Variants in HHIP observed in about 807,000 individuals in gnomAD.
The protein encoded by HHIP is hedgehog-interacting protein.
Under a neutral mutation model 74.0 loss-of-function variants are expected in HHIP, and 12 were observed. That is an observed-to-expected ratio of 0.16 (90% CI 0.10 to 0.26). HHIP has a LOEUF of 0.26. HHIP is among the 10% of genes least tolerant of loss of function. The pLI is 1.00. For synonymous variants in HHIP, 309 were observed against 311.6 expected, an observed-to-expected ratio of 0.99 and a Z score of 0.09; for missense variants, 788 against 845.0, an observed-to-expected ratio of 0.93 and a Z score of 0.84.
intron 3 of HHIP, 59 bp from the exon 4 acceptor site, chr4:144,659,578 T>G: frequency 9.0e-7 from 1 of 1,110,708 alleles, no homozygotes; most frequent in Non-Finnish European, 1.2e-6. Context: ...GGATGCCAAG[T>G]GCATCCCTTA....
At position 144,689,243 on chromosome 4, in the gene HHIP, T is replaced by C. The variant is rs548702752; in HGVS notation, c.832-17288T>C. 2.0e-5 allele frequency among the ~76,000 whole-genome samples: 3 copies of C among 152,308 alleles called. No homozygotes were observed. In the East Asian group the frequency reaches 5.8e-4, roughly 29 times the overall value. ...TAACTCTAATCCAAAGTTTGAGCAA[T>C]GGAAAGGCACATAGATGATGTCGTA... On this transcript the variant is annotated intron_variant, in intron 4 of 12. Coordinates refer to ENST00000296575, the MANE Select transcript of HHIP (RefSeq NM_022475.3).
At position 144,706,671 on chromosome 4, in the gene HHIP, C is replaced by T; in HGVS notation, c.972C>T (p.Tyr324=). 6.2e-7 allele frequency: 1 copy of T among 1,610,492 alleles called. No individual in the cohort carries two copies. Among genetic ancestry groups the T allele is most frequent in the African/African-American group, 1.3e-5 (1 of 74,862 alleles). The stretch of plus-strand genomic sequence containing the variant: ...ACCACATTCTTAGGGTTGTGGAATA[C>T]ACAGTATCCAGGTATCACTAAAAGG... The part of the protein sequence containing the change: ...PHDHILRVVE[Y]TVSRKNPHQV... The change falls in exon 5 of 13, where the codon TAC becomes TAT. Residue 324 remains tyrosine, a synonymous_variant. Coordinates refer to ENST00000296575, the MANE Select transcript of HHIP (RefSeq NM_022475.3).
chr4:144,707,278 G>C lies in HHIP; in HGVS notation c.1157+18G>C. On this transcript the variant is annotated intron_variant, in intron 6 of 12. Coordinates refer to ENST00000296575, the MANE Select transcript of HHIP (RefSeq NM_022475.3). ...GGGTTAAGGTAAAAGGCTGATCACA[G>C]ATGGGTTCCTCTCAAGGTTAAAATA... The C allele has an allele frequency of 6.4e-7, 1 of 1,570,502 alleles. No homozygotes were observed. The highest frequency in any genetic ancestry group is 1.9e-5 in the Admixed American group (1 of 52,742).
intron 4 of HHIP, among the ~76,000 whole-genome samples, chr4:144,678,520 T>C (rs1729233076): frequency 1.3e-5 from 2 of 152,176 alleles, no homozygotes; most frequent in African/African-American, 4.8e-5. Flanking sequence ...TAGGTGTTTC[T>C]CCTAATGCTA....
intron 1 of HHIP, among the ~76,000 whole-genome samples, chr4:144,647,747 C>A (rs977645702): frequency 2.6e-5 from 4 of 152,114 alleles, no homozygotes; most frequent in Non-Finnish European, 4.4e-5. Flanking sequence ...TTTGAGTTTG[C>A]AATATCGTTC....
intron 4 of HHIP, among the ~76,000 whole-genome samples, chr4:144,682,921 T>A (rs1729386246): frequency 6.6e-6 from 1 of 152,230 alleles, no homozygotes; most frequent in South Asian, 2.1e-4. Context: ...CCAGTTCTTG[T>A]CTCAAATGCA....
At position 144,742,298 on chromosome 4, in the gene HHIP, G is replaced by A. The variant is rs933200691; in HGVS notation, c.*4341G>A. On this transcript the variant is annotated 3_prime_UTR_variant, in exon 13 of 13. Coordinates refer to ENST00000296575, the MANE Select transcript of HHIP (RefSeq NM_022475.3). ...CTCAAATTCTATATAACAAATAATA[G>A]TGGATAGTAAACAAATGACATACTA... 6.6e-6 allele frequency: 1 copy of A among 152,060 alleles called. No individual in the cohort carries two copies. The allele number at this position is 152,060 out of a possible 1,614,324, so 9.4% of individuals were successfully genotyped here.
intron 11 of HHIP, among the ~76,000 whole-genome samples, chr4:144,726,883 C>T (rs1023496951): frequency 6.6e-5 from 10 of 152,172 alleles, no homozygotes; most frequent in African/African-American, 2.4e-4. Flanking sequence ...CAGAGTTTCA[C>T]TTCCATCATT....
rs541681315 is a variant in HHIP at position 144,698,501 on chromosome 4, G to A, written c.832-8030G>A. 2.0e-5 allele frequency among the ~76,000 whole-genome samples: 3 copies of A among 152,226 alleles called. No individual in the cohort carries two copies. In the East Asian group the frequency reaches 5.8e-4, roughly 29 times the overall value. On this transcript the variant is annotated intron_variant, in intron 4 of 12. Transcript: ENST00000296575. ...TACCACATAGCCTAGATGTGTAGTAGGCTCTACCATCTCAGAAGGTATCCC... is the reference window on the plus strand; with the variant it reads ...TACCACATAGCCTAGATGTGTAGTAAGCTCTACCATCTCAGAAGGTATCCC...
At chr4:144,685,747 G>C (rs1440652634) in intron 4 of HHIP, 1 of 152,126 alleles carries the variant, frequency 6.6e-6, no homozygotes, top group African/African-American at 2.4e-5. Flanking sequence ...TCTTGCACCA[G>C]CCATCTTGTT....
In HHIP at chr4:144,659,729, G is replaced by T; in HGVS notation, c.722G>T (p.Arg241Leu). 1 of 1,611,060 alleles carries T rather than the reference G, an allele frequency of 6.2e-7. No homozygotes were observed. ...GALHSGDGSQ[R>L]LFILEKEGYV... ...CTGCATAGTGGGGATGGCTCGCAACGTCTCTTCATTCTGGAAAAAGAAGGT... is the reference window on the plus strand; with the variant it reads ...CTGCATAGTGGGGATGGCTCGCAACTTCTCTTCATTCTGGAAAAAGAAGGT... The change falls in exon 4 of 13, where the codon CGT (arginine) becomes CTT (leucine). Residue 241 changes from arginine (R) to leucine (L), a missense_variant. Transcript: ENST00000296575.
chr4:144,682,549 AAG>A (rs58610066), intron 4 of HHIP, among the ~76,000 whole-genome samples: 3,089 of 152,248 alleles, frequency 0.02, 107 homozygotes, highest in African/African-American at 0.069. Context: ...AGCTGTTAGA[AAG>A]AGAGAGAGAG....
In HHIP at chr4:144,734,808, A is replaced by G; in HGVS notation, c.1828A>G (p.Arg610Gly). 3.1e-6 allele frequency: 5 copies of G among 1,613,160 alleles called. No individual in the cohort carries two copies. The highest frequency in any genetic ancestry group is 3.4e-6 in the Non-Finnish European group (4 of 1,179,320). Residue 610 changes from arginine (R) to glycine (G), a missense_variant, in exon 12 of 13, where the codon AGG becomes GGG. Around this residue, in one of 3 missense-constraint regions of HHIP, gnomAD observed 343 missense variants for 347.9 expected, o/e 0.99. Coordinates refer to ENST00000296575, the MANE Select transcript of HHIP (RefSeq NM_022475.3). ...PAQTLTSECS[R>G]LCRNGYCTPT... is the part of the protein sequence containing the mutation. ...ACAGACACTGACTTCAGAGTGCTCC[A>G]GGCTCTGTCGAAACGGCTACTGCAC... is the stretch of plus-strand genomic sequence containing the variant.
chr4:144,718,626 C>T (rs959472124), intron 10 of HHIP, among the ~76,000 whole-genome samples: 27 of 152,090 alleles, frequency 1.8e-4, no homozygotes, highest in South Asian at 8.3e-4. Context: ...CAGCTGTTGC[C>T]ATAATCTAGA....
rs1370514390 is a variant in HHIP at position 144,739,486 on chromosome 4, T to TA, written c.*1535dup. 1.3e-5 allele frequency: 2 copies of TA among 152,214 alleles called. No individual in the cohort carries two copies. The highest frequency in any genetic ancestry group is 1.3e-4 in the Admixed American group (2 of 15,272). The allele number at this position is 152,214 out of a possible 1,614,324, so 9.4% of individuals were successfully genotyped here. A position where few individuals can be genotyped will look rare whatever the true frequency, so the allele number is the denominator to read the frequency against. On this transcript the variant is annotated 3_prime_UTR_variant, in exon 13 of 13. Coordinates refer to ENST00000296575, the MANE Select transcript of HHIP (RefSeq NM_022475.3). ...ACCTTTAGGAATACAAGCCTCAATT[T>TA]AAAAAATATATTGTAGCTAGTATTT...
intron 4 of HHIP, among the ~76,000 whole-genome samples, chr4:144,703,750 A>G (rs574792530): frequency 2.6e-5 from 4 of 152,312 alleles, no homozygotes; most frequent in Admixed American, 1.3e-4. Context: ...ACCAACGTCC[A>G]GGCTCTCGGG....
At chr4:144,734,969 T>G in intron 12 of HHIP, 80 bp downstream of exon 12, 2 of 1,341,116 alleles carry the variant, frequency 1.5e-6, no homozygotes, top group Non-Finnish European at 2.1e-6. Context: ...ATTGATTGTT[T>G]CTTCTACAAT....
Position 144,740,693 on chromosome 4 carries a change from G to A in HHIP, c.*2736G>A, listed in dbSNP as rs1222753725. Reference sequence around the variant, plus strand: ...CAGGTAGGAATTGGTTAAGAAGTATGAGCAGGAAAAAATTATTGTTTAATC... The same window carrying A: ...CAGGTAGGAATTGGTTAAGAAGTATAAGCAGGAAAAAATTATTGTTTAATC... On this transcript the variant is annotated 3_prime_UTR_variant, in exon 13 of 13. Coordinates refer to ENST00000296575, the MANE Select transcript of HHIP (RefSeq NM_022475.3). 6.6e-6 allele frequency: 1 copy of A among 152,018 alleles called. No individual in the cohort carries two copies. The highest frequency in any genetic ancestry group is 1.5e-5 in the Non-Finnish European group (1 of 68,012). 9.4% of individuals were successfully genotyped at this position (152,018 alleles called of 1,614,324 possible).
At chr4:144,678,925 TC>T (rs1271849212) in intron 4 of HHIP, among the ~76,000 whole-genome samples, 2 of 152,202 alleles carry the variant, frequency 1.3e-5, no homozygotes, top group Non-Finnish European at 2.9e-5. Context: ...AAATGGTATT[TC>T]CGGTTCTAGA....
Sources: gnomAD v4.1 joint callset for allele counts (sites outside exome capture counted in the v4.1 genomes callset) on GRCh38, gnomAD v4.1.1 for gene constraint, gnomAD v4.1.1 regional missense constraint, MANE v1.5 for transcripts, NCBI Gene and HGNC (gene_info 2026-07-23, HGNC 2026-07-21) for gene names.